LY86: variants seen among roughly 807,000 people sequenced by gnomAD.
The protein encoded by LY86 is lymphocyte antigen 86.
In LY86, 20 loss-of-function variants were observed where a neutral mutation model predicts 17.3. The observed-to-expected ratio is 1.15, with a 90% CI of 0.81 to 1.68. The LOEUF (loss-of-function observed/expected upper bound fraction) is 1.68. LY86 is among the 40% of genes most tolerant of loss of function. The probability of loss-of-function intolerance (pLI) is 0.00; values close to 1 mark genes in which losing one functional copy is unlikely to be tolerated. For missense variants in LY86, 200 were observed against 191.9 expected (o/e 1.04, Z -0.25); for synonymous variants, 74 against 70.6 (o/e 1.05, Z -0.24).
intron 3 of LY86, among the ~76,000 whole-genome samples, chr6:6,646,323 C>T (rs767261764): frequency 2.8e-4 from 43 of 152,148 alleles, no homozygotes; most frequent in African/African-American, 7.2e-4. Context: ...CACGATGCTT[C>T]GAATACACAA....
At chr6:6,639,086 C>A (rs540217364) in intron 3 of LY86, among the ~76,000 whole-genome samples, 1 of 152,178 alleles carries the variant, frequency 6.6e-6, no homozygotes, top group Non-Finnish European at 1.5e-5. Flanking sequence ...CCATGGAATA[C>A]TATGCAGCCA....
intron 3 of LY86, among the ~76,000 whole-genome samples, chr6:6,644,721 A>G (rs1293969537): frequency 1.3e-5 from 2 of 152,170 alleles, no homozygotes; most frequent in African/African-American, 4.8e-5. Context: ...TCTTTAATCC[A>G]CTGCACATTA....
chr6:6,612,105 T>C (rs1268918958), intron 1 of LY86, among the ~76,000 whole-genome samples: 2 of 152,208 alleles, frequency 1.3e-5, no homozygotes, highest in Non-Finnish European at 2.9e-5. Flanking sequence ...AAAAGCAAGC[T>C]GATTATTTCC....
chr6:6,628,548 G>A (rs187397363), intron 3 of LY86, among the ~76,000 whole-genome samples: 144 of 151,846 alleles, frequency 9.5e-4, no homozygotes, highest in African/African-American at 3.3e-3. Context: ...CTGTCTCTCT[G>A]TCTGTCTCTC....
chr6:6,619,092 C>T (rs192064460), intron 1 of LY86, among the ~76,000 whole-genome samples: 53 of 152,244 alleles, frequency 3.5e-4, no homozygotes, highest in African/African-American at 1.2e-3. Flanking sequence ...GACCCTTGAA[C>T]GTCATCCTAT....
At chr6:6,622,408 T>C (rs1761701676) in intron 1 of LY86, among the ~76,000 whole-genome samples, 3 of 152,238 alleles carry the variant, frequency 2.0e-5, no homozygotes, top group Admixed American at 2.0e-4. Context: ...CCTAAGCATC[T>C]GTTCATTGGC....
chr6:6,605,204 T>TA (rs1489043806), intron 1 of LY86, among the ~76,000 whole-genome samples: 3 of 152,200 alleles, frequency 2.0e-5, no homozygotes, highest in South Asian at 2.1e-4. Flanking sequence ...AAGAATGTGT[T>TA]AGATTTCTAT....
chr6:6,595,319 AGAG>A (rs1760667779), intron 1 of LY86, among the ~76,000 whole-genome samples: 1 of 145,996 alleles, frequency 6.8e-6, no homozygotes, highest in East Asian at 2.0e-4. Context: ...AGGAGGTGGA[AGAG>A]GAGGAAGAGG....
chr6:6,604,827 AACC>A (rs1253166291), intron 1 of LY86, among the ~76,000 whole-genome samples: 1 of 97,046 alleles, frequency 1.0e-5, no homozygotes, highest in Non-Finnish European at 2.1e-5. Context: ...TAAAACCACA[AACC>A]ACCAAAGGAA....
intron 3 of LY86, among the ~76,000 whole-genome samples, chr6:6,643,606 TCA>T (rs1762069398): frequency 6.6e-6 from 1 of 152,232 alleles, no homozygotes; most frequent in Non-Finnish European, 1.5e-5. Flanking sequence ...CTACTGTTGA[TCA>T]CAGTGTATTG....
intron 1 of LY86, among the ~76,000 whole-genome samples, chr6:6,600,149 CTT>C (rs1337106680): frequency 6.6e-6 from 1 of 152,138 alleles, no homozygotes; most frequent in African/African-American, 2.4e-5. Context: ...TTATTGTAAA[CTT>C]TACATAGAAA....
At chr6:6,588,952 T>G in intron 1 of LY86, 82 bp downstream of exon 1, 4 of 1,431,962 alleles carry the variant, frequency 2.8e-6, no homozygotes, top group Non-Finnish European at 3.7e-6. Context: ...CAGTTGGAGT[T>G]GGGGTGGGAG....
chr6:6,612,418 C>T (rs758501782), intron 1 of LY86, among the ~76,000 whole-genome samples: 5 of 152,192 alleles, frequency 3.3e-5, no homozygotes, highest in African/African-American at 7.2e-5. Flanking sequence ...TCTCACTGGC[C>T]TCATAAAAGA....
At chr6:6,607,116 A>C (rs1452136119) in intron 1 of LY86, among the ~76,000 whole-genome samples, 2 of 152,276 alleles carry the variant, frequency 1.3e-5, no homozygotes, top group African/African-American at 4.8e-5. Flanking sequence ...TAACAATAGC[A>C]CACAGAGGAG....
intron 1 of LY86, among the ~76,000 whole-genome samples, chr6:6,610,113 CAG>C (rs1761293752): frequency 6.6e-6 from 1 of 152,162 alleles, no homozygotes; most frequent in Admixed American, 6.5e-5. Flanking sequence ...TGCTTATACG[CAG>C]TAACCCTGCA....
At chr6:6,623,674 G>C (rs1761727386) in intron 1 of LY86, among the ~76,000 whole-genome samples, 1 of 152,336 alleles carries the variant, frequency 6.6e-6, no homozygotes, top group Middle Eastern at 3.4e-3. Flanking sequence ...CTGTGAGGCT[G>C]TGAGGCTCTC....
At chr6:6,630,289 T>C (rs184620590) in intron 3 of LY86, among the ~76,000 whole-genome samples, 6 of 152,388 alleles carry the variant, frequency 3.9e-5, no homozygotes, top group Admixed American at 1.3e-4. Context: ...TAGAAAGTTC[T>C]GAATCAAAGA....
intron 1 of LY86, chr6:6,591,598 A>C (rs1760532777): frequency 6.5e-6 from 1 of 153,480 alleles, no homozygotes; most frequent in African/African-American, 2.4e-5. Flanking sequence ...CATCATTCTT[A>C]TGTTGCAGAT....
intron 1 of LY86, among the ~76,000 whole-genome samples, chr6:6,620,368 G>C (rs953057499): frequency 6.6e-6 from 1 of 152,202 alleles, no homozygotes; most frequent in Non-Finnish European, 1.5e-5. Flanking sequence ...AGTAGAGCTA[G>C]AATATGGAAA....
Sources: allele counts gnomAD v4.1 joint callset (sites outside exome capture counted in the v4.1 genomes callset), GRCh38; gene constraint gnomAD v4.1.1; transcripts MANE v1.5; gene names NCBI Gene and HGNC (gene_info 2026-07-23, HGNC 2026-07-21).